Variants in NRXN1 observed in about 807,000 individuals in gnomAD.
The protein encoded by NRXN1 is neurexin 1, also known as neurexin-1.
A neutral mutation model predicts 150.9 loss-of-function variants in NRXN1; 39 were observed. The observed-to-expected ratio is 0.26, with a 90% CI of 0.20 to 0.34. The LOEUF is 0.34. NRXN1 is among the 10% of genes least tolerant of loss of function. The probability of loss-of-function intolerance (pLI) is 1.00; values close to 1 mark genes in which losing one functional copy is unlikely to be tolerated. For missense variants in NRXN1, 1,815 were observed against 1,949.9 expected, an observed-to-expected ratio of 0.93 and a Z score of 1.30; for synonymous variants, 924 against 757.0, an observed-to-expected ratio of 1.22 and a Z score of -3.62.
At chr2:50,191,345 T>G (rs529622155) in intron 18 of NRXN1, among the ~76,000 whole-genome samples, 30 of 152,250 alleles carry the variant, frequency 2.0e-4, no homozygotes, top group Admixed American at 1.1e-3. Flanking sequence ...CGGCAATTTC[T>G]TACAATGATA....
intron 17 of NRXN1, among the ~76,000 whole-genome samples, chr2:50,459,772 T>C (rs2104599109): frequency 6.6e-6 from 1 of 152,270 alleles, no homozygotes. Context: ...TAATTCACTG[T>C]GATTTATCTT....
In NRXN1 at chr2:49,919,921, G is replaced by A. The variant is rs766758495; in HGVS notation, c.*2023C>T. ...CATCAACTAAAGTATCACAAAAGAT[G>A]TTTTGCATTTTTTGCCTTTGCTGAT... On this transcript the variant is annotated 3_prime_UTR_variant, in exon 23 of 23. Coordinates refer to ENST00000401669, the MANE Select transcript of NRXN1 (RefSeq NM_001330078.2). The A allele has an allele frequency of 1.3e-5, 2 of 151,984 alleles. No homozygotes were observed. The highest frequency in any genetic ancestry group is 2.9e-5 in the Non-Finnish European group (2 of 67,944). 9.4% of individuals were successfully genotyped at this position (151,984 alleles called of 1,614,324 possible). A position where few individuals can be genotyped will look rare whatever the true frequency, so the allele number is the denominator to read the frequency against.
intron 21 of NRXN1, among the ~76,000 whole-genome samples, chr2:49,947,469 C>G (rs544811480): frequency 6.7e-6 from 1 of 150,332 alleles, no homozygotes; most frequent in South Asian, 2.1e-4. Context: ...TCTTTTCTTT[C>G]CTCTTCCTCT....
chr2:50,078,702 C>T (rs1402225034), intron 19 of NRXN1, among the ~76,000 whole-genome samples: 1 of 151,858 alleles, frequency 6.6e-6, no homozygotes, highest in Non-Finnish European at 1.5e-5. Flanking sequence ...TTTGGTTTGT[C>T]GTAGTTAGAT....
At chr2:50,478,119 T>C (rs2104758144) in intron 15 of NRXN1, among the ~76,000 whole-genome samples, 1 of 152,246 alleles carries the variant, frequency 6.6e-6, no homozygotes, top group African/African-American at 2.4e-5. Flanking sequence ...CTGAGAGAGC[T>C]TGTCTTTAGG....
intron 9 of NRXN1, among the ~76,000 whole-genome samples, chr2:50,550,107 C>T (rs1667219478): frequency 6.6e-6 from 1 of 152,012 alleles, no homozygotes; most frequent in Non-Finnish European, 1.5e-5. Context: ...GTATTACATT[C>T]ATATAGTTAG....
chr2:50,184,890 G>A (rs909074543), intron 18 of NRXN1, among the ~76,000 whole-genome samples: 1 of 152,070 alleles, frequency 6.6e-6, no homozygotes. Context: ...AATTGGCCAA[G>A]GTCCCATAGC....
chr2:50,447,393 C>T (rs1915169), intron 17 of NRXN1, among the ~76,000 whole-genome samples: 64,714 of 145,760 alleles, frequency 0.44, 15,908 homozygotes, highest in East Asian at 0.91. Flanking sequence ...GGCACAAGAA[C>T]TGCTTGAACC....
At chr2:50,096,863 C>G (rs889450434) in intron 18 of NRXN1, among the ~76,000 whole-genome samples, 1 of 152,206 alleles carries the variant, frequency 6.6e-6, no homozygotes, top group Non-Finnish European at 1.5e-5. Flanking sequence ...AATGCACTGT[C>G]TAATTCCATA....
At chr2:50,459,361 T>G (rs184107477) in intron 17 of NRXN1, among the ~76,000 whole-genome samples, 1 of 152,264 alleles carries the variant, frequency 6.6e-6, no homozygotes, top group Admixed American at 6.5e-5. Flanking sequence ...GTTTGTTACA[T>G]AGGTAAACTT....
chr2:50,977,668 C>A (rs1696082140), intron 2 of NRXN1, among the ~76,000 whole-genome samples: 1 of 151,886 alleles, frequency 6.6e-6, no homozygotes, highest in African/African-American at 2.4e-5. Context: ...GACCTATTTT[C>A]TAGACTCTAA....
intron 17 of NRXN1, among the ~76,000 whole-genome samples, chr2:50,388,865 A>C (rs554681405): frequency 1.9e-3 from 268 of 138,102 alleles, no homozygotes; most frequent in African/African-American, 7.8e-3. Flanking sequence ...ACAGCAAAGT[A>C]AAAAAAAAAA....
At chr2:50,176,899 C>A (rs2060385956) in intron 18 of NRXN1, among the ~76,000 whole-genome samples, 1 of 151,914 alleles carries the variant, frequency 6.6e-6, no homozygotes, top group African/African-American at 2.4e-5. Context: ...GGCAAGGAAA[C>A]TAAGAAAGGT....
intron 17 of NRXN1, among the ~76,000 whole-genome samples, chr2:50,414,627 T>A (rs1207223486): frequency 2.6e-5 from 4 of 152,064 alleles, no homozygotes; most frequent in African/African-American, 4.8e-5. Flanking sequence ...TCTTAATTCA[T>A]ACTAAAAATC....
In NRXN1 at chr2:50,009,262, TCACTAAGCATAGAAAGTCCTCACTAAATG is replaced by T. The variant is rs535281633; in HGVS notation, c.4128+43980_4128+44008del. ...GTAGCTATTGTCACAATCTCTGCAG[TCACTAAGCATAGAAAGTCCTCACTAAATG>T]CACTAAGCATAGAACGTTCTCACTA... On this transcript the variant is annotated intron_variant, in intron 21 of 22. Coordinates refer to ENST00000401669, the MANE Select transcript of NRXN1 (RefSeq NM_001330078.2). Among the ~76,000 whole-genome samples the T allele has an allele frequency of 1.7e-4, 26 of 152,234 alleles. No homozygotes were observed. The East Asian group carries it at 4.5e-3, about 26-fold the overall frequency.
chr2:50,858,240 T>C (rs561475550), intron 5 of NRXN1, among the ~76,000 whole-genome samples: 15 of 152,032 alleles, frequency 9.9e-5, no homozygotes, highest in South Asian at 2.1e-4. Flanking sequence ...CAAATTAATA[T>C]TTTTCAAAAC....
intron 22 of NRXN1, among the ~76,000 whole-genome samples, chr2:49,923,535 C>G (rs1668581288): frequency 6.6e-6 from 1 of 152,034 alleles, no homozygotes; most frequent in Non-Finnish European, 1.5e-5. Flanking sequence ...TATGTAAGAA[C>G]TGAAAACTCA....
intron 2 of NRXN1, among the ~76,000 whole-genome samples, chr2:50,983,792 T>C (rs536840827): frequency 2.7e-4 from 41 of 152,128 alleles, no homozygotes; most frequent in Non-Finnish European, 5.3e-4. Context: ...ACAAATTTCA[T>C]AGTGACTTTC....
At chr2:50,649,141 A>C (rs1685221601) in intron 5 of NRXN1, among the ~76,000 whole-genome samples, 1 of 151,966 alleles carries the variant, frequency 6.6e-6, no homozygotes, top group Non-Finnish European at 1.5e-5. Flanking sequence ...ACTGATGAAC[A>C]ATAGTTAGAA....
Sources: allele counts gnomAD v4.1 joint callset (sites outside exome capture counted in the v4.1 genomes callset), GRCh38; gene constraint gnomAD v4.1.1; transcripts MANE v1.5; gene names NCBI Gene and HGNC (gene_info 2026-07-23, HGNC 2026-07-21).